CHRM3: variants seen among roughly 807,000 people sequenced by gnomAD.
CHRM3 encodes the protein muscarinic acetylcholine receptor M3.
CHRM3 carries 11 observed loss-of-function variants against 41.8 expected under a neutral mutation model. That is an observed-to-expected ratio of 0.26 (90% CI 0.17 to 0.44). The LOEUF (loss-of-function observed/expected upper bound fraction) is 0.44, where lower values mean the gene tolerates loss of function less well. Among genes scored for constraint, CHRM3 ranks in the 20% least tolerant of loss-of-function variants. The pLI is 1.00. For synonymous variants in CHRM3, 297 were observed against 301.4 expected (o/e 0.99, Z 0.15); for missense variants, 571 against 745.4 (o/e 0.77, Z 2.72).
At chr1:239,552,292 ATATTT>A (rs1246433415) in intron 3 of CHRM3, among the ~76,000 whole-genome samples, 2 of 146,414 alleles carry the variant, frequency 1.4e-5, no homozygotes, top group Non-Finnish European at 3.0e-5. Context: ...GATATGTATC[ATATTT>A]TATATATGTA....
At chr1:239,741,762 A>G (rs1206232683) in intron 5 of CHRM3, among the ~76,000 whole-genome samples, 6 of 152,214 alleles carry the variant, frequency 3.9e-5, no homozygotes, top group African/African-American at 1.4e-4. Context: ...CACGTCTTAT[A>G]TTTATATGTA....
chr1:239,762,715 AGAT>A (rs1385661028), intron 5 of CHRM3, among the ~76,000 whole-genome samples: 2 of 152,222 alleles, frequency 1.3e-5, no homozygotes, highest in African/African-American at 2.4e-5. Flanking sequence ...TCAAAATATA[AGAT>A]TAGAGCTAAT....
intron 1 of CHRM3, among the ~76,000 whole-genome samples, chr1:239,452,291 A>T (rs1027536430): frequency 6.6e-6 from 1 of 152,210 alleles, no homozygotes; most frequent in African/African-American, 2.4e-5. Flanking sequence ...AATATTATTT[A>T]TTATTAAGCA....
intron 4 of CHRM3, among the ~76,000 whole-genome samples, chr1:239,643,795 G>A (rs760835404): frequency 3.7e-4 from 56 of 152,310 alleles, no homozygotes; most frequent in South Asian, 4.1e-4. Flanking sequence ...CCCACTGTCT[G>A]GCACTCCCTA....
chr1:239,833,236 T>C (rs1200172865), intron 6 of CHRM3, among the ~76,000 whole-genome samples: 3 of 152,206 alleles, frequency 2.0e-5, no homozygotes, highest in Non-Finnish European at 2.9e-5. Flanking sequence ...GTGAAGCTTT[T>C]TCCTTGCATC....
intron 4 of CHRM3, among the ~76,000 whole-genome samples, chr1:239,654,156 A>T (rs1232127511): frequency 6.6e-6 from 1 of 151,656 alleles, no homozygotes; most frequent in East Asian, 2.0e-4. Flanking sequence ...TTTTGGAGAG[A>T]TGGGGGTCTC....
At chr1:239,706,753 C>T (rs1661223662) in intron 5 of CHRM3, among the ~76,000 whole-genome samples, 1 of 152,104 alleles carries the variant, frequency 6.6e-6, no homozygotes, top group South Asian at 2.1e-4. Flanking sequence ...TGCACCCCCA[C>T]ACCCATGTGC....
At chr1:239,500,425 T>C (rs1668154646) in intron 2 of CHRM3, among the ~76,000 whole-genome samples, 1 of 148,208 alleles carries the variant, frequency 6.7e-6, no homozygotes, top group South Asian at 2.1e-4. Context: ...ATGAGAAGAC[T>C]TGGACACAGG....
chr1:239,714,338 T>C (rs1277217798), intron 5 of CHRM3: 1 of 152,164 alleles, frequency 6.6e-6, no homozygotes, highest in Non-Finnish European at 1.5e-5. Context: ...TAACTCACAA[T>C]GCTTCAGATA....
chr1:239,695,042 C>T (rs184930018), intron 5 of CHRM3, among the ~76,000 whole-genome samples: 56 of 152,286 alleles, frequency 3.7e-4, no homozygotes, highest in Middle Eastern at 3.4e-3. Context: ...GACGGAGTCT[C>T]GCTCTGTTGC....
intron 5 of CHRM3, among the ~76,000 whole-genome samples, chr1:239,739,776 C>T (rs1005145831): frequency 1.3e-5 from 2 of 152,084 alleles, no homozygotes; most frequent in African/African-American, 4.8e-5. Flanking sequence ...GACTTAGTGT[C>T]TGTTTTCTTT....
intron 1 of CHRM3, among the ~76,000 whole-genome samples, chr1:239,465,225 G>C (rs1179164617): frequency 6.6e-6 from 1 of 152,124 alleles, no homozygotes; most frequent in African/African-American, 2.4e-5. Flanking sequence ...AGTTCACAGA[G>C]AGCTTATTCT....
chr1:239,526,629 G>T (rs546967459), intron 2 of CHRM3, among the ~76,000 whole-genome samples: 7 of 152,262 alleles, frequency 4.6e-5, no homozygotes, highest in African/African-American at 1.7e-4. Flanking sequence ...GCAAATGAAT[G>T]CACTTTATGT....
In CHRM3 at chr1:239,908,624, G is replaced by A; in HGVS notation, c.1173G>A (p.Val391=). ...TKLPSSDNLQ[V]PEEELGMVDL... Reference sequence around the variant, plus strand: ...TACCCTCATCGGACAACCTGCAGGTGCCTGAGGAGGAGCTGGGGATGGTGG... The same window carrying A: ...TACCCTCATCGGACAACCTGCAGGTACCTGAGGAGGAGCTGGGGATGGTGG... Residue 391 remains valine (V), a synonymous_variant, in exon 7 of 7, where the codon GTG becomes GTA. Transcript: ENST00000676153. The surrounding 1 kb of genome is among the most constrained non-coding windows in gnomAD (Gnocchi z 7.2). 6.2e-7 allele frequency: 1 copy of A among 1,610,048 alleles called. No individual in the cohort carries two copies. The highest frequency in any genetic ancestry group is 8.5e-7 in the Non-Finnish European group (1 of 1,178,184).
chr1:239,728,265 T>C (rs1663632087), intron 5 of CHRM3, among the ~76,000 whole-genome samples: 1 of 151,960 alleles, frequency 6.6e-6, no homozygotes, highest in African/African-American at 2.4e-5. Context: ...GTTTTCATGG[T>C]TATATCCCCT....
At chr1:239,494,295 T>C (rs1315330701) in intron 2 of CHRM3, among the ~76,000 whole-genome samples, 1 of 152,068 alleles carries the variant, frequency 6.6e-6, no homozygotes, top group Non-Finnish European at 1.5e-5. Flanking sequence ...GTCTGCTGGT[T>C]CCTGCCAATT....
At chr1:239,500,153 C>A (rs1350740425) in intron 2 of CHRM3, among the ~76,000 whole-genome samples, 1 of 152,052 alleles carries the variant, frequency 6.6e-6, no homozygotes, top group East Asian at 1.9e-4. Flanking sequence ...TTGTCAAAGG[C>A]CTTTTCTGCA....
At chr1:239,501,591 C>T (rs1023800396) in intron 2 of CHRM3, among the ~76,000 whole-genome samples, 2 of 152,162 alleles carry the variant, frequency 1.3e-5, no homozygotes, top group Non-Finnish European at 1.5e-5. Flanking sequence ...CGTGGTGGCT[C>T]ATGCCTGTAA....
intron 5 of CHRM3, among the ~76,000 whole-genome samples, chr1:239,721,184 T>A (rs1662938906): frequency 6.6e-6 from 1 of 151,866 alleles, no homozygotes; most frequent in Non-Finnish European, 1.5e-5. Flanking sequence ...CTAAAAGTGA[T>A]ACGATAAAAG....
Sources: gnomAD v4.1 joint callset for allele counts (sites outside exome capture counted in the v4.1 genomes callset) on GRCh38, gnomAD v4.1.1 for gene constraint, Gnocchi (gnomAD v3.1) non-coding constraint, MANE v1.5 for transcripts, NCBI Gene and HGNC (gene_info 2026-07-23, HGNC 2026-07-21) for gene names.